The following MAF variants were observed in gnomAD, a reference collection of about 807,000 sequenced individuals.
MAF encodes MAF bZIP transcription factor.
Under a neutral mutation model 22.0 loss-of-function variants are expected in MAF, and 10 were observed. The observed-to-expected ratio is 0.45, with a 90% CI of 0.28 to 0.77. MAF has a LOEUF of 0.77. MAF is among the 30% of genes least tolerant of loss of function. The pLI is 0.12. For synonymous variants in MAF, 337 were observed against 255.8 expected (o/e 1.32, Z -3.03); for missense variants, 544 against 548.4 (o/e 0.99, Z 0.08).
At chr16:79,565,741 A>C in the MAF span, among the ~76,000 whole-genome samples, 2 of 152,152 alleles carry the variant, frequency 1.3e-5, no homozygotes, top group African/African-American at 2.4e-5. Flanking sequence ...TTCCTTTATA[A>C]ATTACCCAGT....
At chr16:79,453,172 G>C in the MAF span, among the ~76,000 whole-genome samples, 1 of 152,088 alleles carries the variant, frequency 6.6e-6, no homozygotes, top group Non-Finnish European at 1.5e-5. Context: ...TGAGTAAGTG[G>C]TACCTACAAC....
At chr16:79,226,629 C>T in the MAF span, among the ~76,000 whole-genome samples, 12 of 152,006 alleles carry the variant, frequency 7.9e-5, no homozygotes, top group Admixed American at 7.2e-4. Flanking sequence ...ACATTCATGA[C>T]TTTGTACCTA....
downstream of MAF, among the ~76,000 whole-genome samples, chr16:79,590,815 G>C (rs1913148942): frequency 6.6e-6 from 1 of 152,114 alleles, no homozygotes; most frequent in African/African-American, 2.4e-5. Flanking sequence ...CTGCAGGCAG[G>C]TCCCTTCCTC....
At chr16:79,281,384 A>T in the MAF span, among the ~76,000 whole-genome samples, 1 of 152,174 alleles carries the variant, frequency 6.6e-6, no homozygotes, top group Non-Finnish European at 1.5e-5. Flanking sequence ...GTCAGAGGTC[A>T]TAACAAATAA....
chr16:79,530,482 A>G, the MAF span, among the ~76,000 whole-genome samples: 3 of 152,198 alleles, frequency 2.0e-5, no homozygotes, highest in Non-Finnish European at 4.4e-5. Flanking sequence ...GTTTTTGGAA[A>G]ATGTATGTGG....
At chr16:79,462,963 G>T in the MAF span, among the ~76,000 whole-genome samples, 2 of 152,162 alleles carry the variant, frequency 1.3e-5, no homozygotes, top group African/African-American at 4.8e-5. Flanking sequence ...GGGATTAGAG[G>T]GTGGTAAAGG....
the MAF span, among the ~76,000 whole-genome samples, chr16:79,434,684 TAC>T: frequency 6.6e-6 from 1 of 151,888 alleles, no homozygotes; most frequent in African/African-American, 2.4e-5. Context: ...ATAAATTATA[TAC>T]AGTTTTAATA....
the MAF span, among the ~76,000 whole-genome samples, chr16:79,208,705 C>T: frequency 6.6e-6 from 1 of 151,836 alleles, no homozygotes; most frequent in South Asian, 2.1e-4. Context: ...TGAGATTTCA[C>T]TAATGTGCCT....
At chr16:79,432,276 C>T in the MAF span, among the ~76,000 whole-genome samples, 2 of 152,088 alleles carry the variant, frequency 1.3e-5, no homozygotes, top group Non-Finnish European at 2.9e-5. Context: ...TTTCCTGAGG[C>T]CTCCCTAGCC....
the MAF span, among the ~76,000 whole-genome samples, chr16:79,358,331 G>A: frequency 5.9e-5 from 9 of 152,160 alleles, no homozygotes; most frequent in South Asian, 4.1e-4. Flanking sequence ...TACATTCCAA[G>A]GTACATCAGT....
At chr16:79,251,010 C>G in the MAF span, among the ~76,000 whole-genome samples, 1 of 152,184 alleles carries the variant, frequency 6.6e-6, no homozygotes, top group Non-Finnish European at 1.5e-5. Flanking sequence ...TGCTTAGCAC[C>G]TGCTACATTT....
chr16:79,507,896 A>C, the MAF span, among the ~76,000 whole-genome samples: 1 of 152,080 alleles, frequency 6.6e-6, no homozygotes. Context: ...AAAATACCTA[A>C]TTGTTATTAC....
chr16:79,531,274 T>A, the MAF span, among the ~76,000 whole-genome samples: 2 of 152,168 alleles, frequency 1.3e-5, no homozygotes, highest in Non-Finnish European at 2.9e-5. Context: ...ATAACCTCTA[T>A]CCTCTGCATC....
At chr16:79,507,259 G>A in the MAF span, among the ~76,000 whole-genome samples, 2 of 150,402 alleles carry the variant, frequency 1.3e-5, no homozygotes, top group Admixed American at 6.6e-5. Flanking sequence ...GATTACAGGT[G>A]CCCACCACCA....
the MAF span, among the ~76,000 whole-genome samples, chr16:79,227,042 G>C: frequency 0.019 from 2,912 of 152,110 alleles, 101 homozygotes; most frequent in African/African-American, 0.067. Context: ...GGATTATTTT[G>C]GGTCACTTAA....
the MAF span, among the ~76,000 whole-genome samples, chr16:79,401,067 C>T: frequency 2.6e-5 from 4 of 152,168 alleles, no homozygotes; most frequent in African/African-American, 7.2e-5. Flanking sequence ...GTGGTGAGGT[C>T]GGCTCCCTTG....
the MAF span, among the ~76,000 whole-genome samples, chr16:79,524,325 C>T: frequency 1.1e-4 from 17 of 152,206 alleles, no homozygotes; most frequent in African/African-American, 3.9e-4. Flanking sequence ...ACCCATCTCT[C>T]TTAAGGATAA....
the MAF span, among the ~76,000 whole-genome samples, chr16:79,522,431 G>A: frequency 6.6e-6 from 1 of 152,178 alleles, no homozygotes; most frequent in Non-Finnish European, 1.5e-5. Context: ...TGTGTTTGCA[G>A]AGTCCTCACC....
At chr16:79,377,544 T>C in the MAF span, among the ~76,000 whole-genome samples, 19 of 152,368 alleles carry the variant, frequency 1.2e-4, no homozygotes, top group East Asian at 3.7e-3. Context: ...AGATCCCATT[T>C]GTCAATTTTG....
Sources: allele counts gnomAD v4.1 joint callset (sites outside exome capture counted in the v4.1 genomes callset), GRCh38; gene constraint gnomAD v4.1.1; transcripts MANE v1.5; gene names NCBI Gene and HGNC (gene_info 2026-07-23, HGNC 2026-07-21).